XIRP2: variants seen among roughly 807,000 people sequenced by gnomAD.
XIRP2 encodes xin actin-binding repeat-containing protein 2.
In XIRP2, 236 loss-of-function variants were observed where a neutral mutation model predicts 277.0. That is an observed-to-expected ratio of 0.85 (90% CI 0.77 to 0.95). XIRP2 has a LOEUF of 0.95. Among genes scored for constraint, XIRP2 ranks in the 40% least tolerant of loss-of-function variants. The pLI, the probability that XIRP2 is intolerant of heterozygous loss-of-function variation, is 0.00. For synonymous variants in XIRP2, 1,490 were observed against 1,416.5 expected, an observed-to-expected ratio of 1.05 and a Z score of -1.17; for missense variants, 4,640 against 4,157.5, an observed-to-expected ratio of 1.12 and a Z score of -3.19.
At chr2:166,933,395 C>T (rs906824653) in intron 2 of XIRP2, among the ~76,000 whole-genome samples, 19 of 151,988 alleles carry the variant, frequency 1.3e-4, no homozygotes, top group African/African-American at 3.4e-4. Context: ...TGATCCACCC[C>T]GTCTCGGCCT....
At chr2:166,923,184 G>T (rs184270814) in intron 2 of XIRP2, among the ~76,000 whole-genome samples, 182 of 152,080 alleles carry the variant, frequency 1.2e-3, no homozygotes, top group African/African-American at 4.3e-3. Flanking sequence ...AAATAAATCT[G>T]TACTAAATAG....
chr2:167,259,550 C>A lies in XIRP2; in HGVS notation c.*1733C>A. The stretch of plus-strand genomic sequence containing the variant: ...TGTCATTTTTTTCACAATTTATTTA[C>A]ATCTACTTTTGTTTGAACTGGAATG... On this transcript the variant is annotated 3_prime_UTR_variant, in exon 11 of 11. Transcript: ENST00000409195. 1.8e-6 allele frequency: 1 copy of A among 550,022 alleles called. No individual in the cohort carries two copies. Among genetic ancestry groups the A allele is most frequent in the Non-Finnish European group, 3.1e-6 (1 of 324,464 alleles). The allele number at this position is 550,022 out of a possible 1,614,324, so 34.1% of individuals were successfully genotyped here.
intron 2 of XIRP2, among the ~76,000 whole-genome samples, chr2:166,975,930 C>CAA (rs550529718): frequency 0.012 from 527 of 45,698 alleles, 54 homozygotes; most frequent in East Asian, 0.046. Flanking sequence ...GACTCCGTCT[C>CAA]AAAAAAAAAA....
At chr2:167,202,051 A>G (rs1693734743) in intron 3 of XIRP2, among the ~76,000 whole-genome samples, 1 of 152,168 alleles carries the variant, frequency 6.6e-6, no homozygotes, top group African/African-American at 2.4e-5. Flanking sequence ...TAATTAACAC[A>G]TTATGTTCAT....
chr2:167,138,847 C>T (rs1691631532), intron 3 of XIRP2, among the ~76,000 whole-genome samples: 1 of 152,088 alleles, frequency 6.6e-6, no homozygotes, highest in Non-Finnish European at 1.5e-5. Context: ...GGGCGAATCA[C>T]CTAGGGTCAG....
intron 2 of XIRP2, among the ~76,000 whole-genome samples, chr2:167,058,616 T>A (rs1689096517): frequency 6.6e-6 from 1 of 152,192 alleles, no homozygotes; most frequent in African/African-American, 2.4e-5. Context: ...CTCTCCATGT[T>A]ACCTCCCTCC....
At chr2:167,075,713 C>T (rs59993077) in intron 2 of XIRP2, among the ~76,000 whole-genome samples, 1 of 152,150 alleles carries the variant, frequency 6.6e-6, no homozygotes, top group African/African-American at 2.4e-5. Flanking sequence ...GTGATCTCCG[C>T]TCACTGCAAC....
chr2:167,228,335 G>A (rs1237693360), intron 5 of XIRP2, among the ~76,000 whole-genome samples: 1 of 152,080 alleles, frequency 6.6e-6, no homozygotes, highest in Non-Finnish European at 1.5e-5. Context: ...GAACCTATTG[G>A]TATATGAGTT....
chr2:166,960,132 G>T (rs1439021330), intron 2 of XIRP2, among the ~76,000 whole-genome samples: 2 of 151,648 alleles, frequency 1.3e-5, no homozygotes, highest in Admixed American at 6.6e-5. Context: ...TATATTCATT[G>T]TGAACACACT....
chr2:167,004,155 A>C (rs914648508), intron 2 of XIRP2, among the ~76,000 whole-genome samples: 1 of 151,922 alleles, frequency 6.6e-6, no homozygotes, highest in African/African-American at 2.4e-5. Flanking sequence ...TATCTATGAG[A>C]ATATTATCAG....
intron 5 of XIRP2, among the ~76,000 whole-genome samples, chr2:167,238,767 C>A (rs886689037): frequency 3.3e-5 from 5 of 151,860 alleles, no homozygotes; most frequent in Non-Finnish European, 5.9e-5. Flanking sequence ...AAGTGAAGTC[C>A]CACCTTCAGG....
chr2:167,106,079 T>G (rs933390418), intron 2 of XIRP2, among the ~76,000 whole-genome samples: 2 of 151,408 alleles, frequency 1.3e-5, no homozygotes, highest in Non-Finnish European at 3.0e-5. Flanking sequence ...TACTAGTCAC[T>G]TGACACATAT....
chr2:167,243,423 G>C lies in XIRP2; in HGVS notation c.2031G>C (p.Ala677=), dbSNP rs374787294. ...NKMHQSQEES[A]VTISKDITGG... is the part of the protein sequence containing the mutation. ...TGCATCAAAGTCAAGAAGAATCAGC[G>C]GTAACTATCAGTAAGGACATAACTG... is the stretch of plus-strand genomic sequence containing the variant. Residue 677 remains alanine (A), a synonymous_variant, in exon 9 of 11, where the codon GCG becomes GCC. Coordinates refer to ENST00000409195, the MANE Select transcript of XIRP2 (RefSeq NM_152381.6). 2 of 1,613,922 alleles carry C rather than the reference G, an allele frequency of 1.2e-6. No homozygotes were observed. Among genetic ancestry groups the C allele is most frequent in the Non-Finnish European group, 1.7e-6 (2 of 1,179,946 alleles).
chr2:167,093,251 A>G (rs1690200271), intron 2 of XIRP2, among the ~76,000 whole-genome samples: 2 of 151,378 alleles, frequency 1.3e-5, no homozygotes, highest in Admixed American at 1.3e-4. Context: ...ATTGATTAGT[A>G]TAATTATCAA....
chr2:167,075,891 G>C (rs911283599), intron 2 of XIRP2, among the ~76,000 whole-genome samples: 7 of 151,046 alleles, frequency 4.6e-5, no homozygotes, highest in African/African-American at 1.2e-4. Context: ...GGCCAGGCTT[G>C]TCTCGAACTT....
In XIRP2 at chr2:167,258,430, AGAT is replaced by A. The variant is rs756286297; in HGVS notation, c.*616_*618del. On this transcript the variant is annotated 3_prime_UTR_variant, in exon 11 of 11. Coordinates refer to ENST00000409195, the MANE Select transcript of XIRP2 (RefSeq NM_152381.6). ...AAATGAAAATGCCTGAAGGAAGAAA[AGAT>A]GAAAAGAAGGAAGGAAGGAAGAATG... The A allele has an allele frequency of 1.2e-6, 2 of 1,613,216 alleles. No homozygotes were observed. The highest frequency in any genetic ancestry group is 1.3e-5 in the African/African-American group (1 of 74,844).
At chr2:167,132,026 T>C (rs1052229299) in intron 2 of XIRP2, among the ~76,000 whole-genome samples, 1 of 152,062 alleles carries the variant, frequency 6.6e-6, no homozygotes, top group Non-Finnish European at 1.5e-5. Context: ...CCCTCCTCTC[T>C]CTATCCTTCT....
chr2:167,035,433 C>G (rs1688483403), intron 2 of XIRP2, among the ~76,000 whole-genome samples: 1 of 152,158 alleles, frequency 6.6e-6, no homozygotes, highest in Non-Finnish European at 1.5e-5. Context: ...GGAAAGGTGA[C>G]TCTTGTTATG....
chr2:167,246,333 T>G lies in XIRP2; in HGVS notation c.4941T>G (p.Phe1647Leu). The change falls in exon 9 of 11, where the codon TTT becomes TTG. Residue 1647 changes from phenylalanine to leucine, a missense_variant. Coordinates refer to ENST00000409195, the MANE Select transcript of XIRP2 (RefSeq NM_152381.6). ...KTQLLNRSTE[F>L]HAEKEEIVKG... Reference sequence around the variant, plus strand: ...AATTATTAAACAGATCAACTGAATTTCATGCTGAAAAAGAAGAGATAGTGA... The same window carrying G: ...AATTATTAAACAGATCAACTGAATTGCATGCTGAAAAAGAAGAGATAGTGA... 6.2e-7 allele frequency: 1 copy of G among 1,612,730 alleles called. No individual in the cohort carries two copies. The highest frequency in any genetic ancestry group is 8.5e-7 in the Non-Finnish European group (1 of 1,179,580).
Sources: allele counts gnomAD v4.1 joint callset (sites outside exome capture counted in the v4.1 genomes callset), GRCh38; gene constraint gnomAD v4.1.1; transcripts MANE v1.5; gene names NCBI Gene and HGNC (gene_info 2026-07-23, HGNC 2026-07-21).